The following CTNNA2 variants were observed in gnomAD, a reference collection of about 807,000 sequenced individuals.
The protein encoded by CTNNA2 is catenin alpha 2, also known as catenin alpha-2.
In CTNNA2, 42 loss-of-function variants were observed where a neutral mutation model predicts 101.0. The observed-to-expected ratio is 0.42, with a 90% CI of 0.32 to 0.54. The LOEUF (loss-of-function observed/expected upper bound fraction) is 0.54. Ranked by LOEUF, CTNNA2 falls within the 20% of genes least tolerant of loss-of-function variation. The pLI, the probability that CTNNA2 is intolerant of heterozygous loss-of-function variation, is 0.14. For synonymous variants in CTNNA2, 450 were observed against 456.4 expected, an observed-to-expected ratio of 0.99 and a Z score of 0.18; for missense variants, 871 against 1,223.1, an observed-to-expected ratio of 0.71 and a Z score of 4.29.
chr2:79,459,518 AT>A (rs1457037988), intron 4 of CTNNA2, among the ~76,000 whole-genome samples: 2 of 152,166 alleles, frequency 1.3e-5, no homozygotes, highest in Non-Finnish European at 1.5e-5. Context: ...AGAATATATA[AT>A]TTTAAATTCC....
At chr2:80,040,976 C>T (rs537864796) in intron 7 of CTNNA2, among the ~76,000 whole-genome samples, 58 of 152,048 alleles carry the variant, frequency 3.8e-4, no homozygotes, top group African/African-American at 1.3e-3. Flanking sequence ...GAATTACAGT[C>T]AATCCACACA....
chr2:80,642,529 A>T (rs1673606001), intron 18 of CTNNA2, among the ~76,000 whole-genome samples: 1 of 151,002 alleles, frequency 6.6e-6, no homozygotes, highest in African/African-American at 2.4e-5. Flanking sequence ...AGATGGAAAA[A>T]TGTAGGGATA....
In CTNNA2 at chr2:80,577,076, T is replaced by A. The variant is rs564148656; in HGVS notation, c.1893+2762T>A. Among the ~76,000 whole-genome samples, 174 of 152,278 alleles carry A rather than the reference T, an allele frequency of 1.1e-3. 1 individual carries two copies. Among genetic ancestry groups the A allele is most frequent in the African/African-American group, 4.1e-3 (170 of 41,570 alleles). ...TTTATTAATTAGAAATAGTTCAGTA[T>A]GATTAAAAATTGGTAATTCTGTCTT... On this transcript the variant is annotated intron_variant, in intron 13 of 18. Transcript: ENST00000402739.
At chr2:80,182,921 G>GAAT (rs1705874135) in intron 7 of CTNNA2, among the ~76,000 whole-genome samples, 1 of 152,180 alleles carries the variant, frequency 6.6e-6, no homozygotes, top group Non-Finnish European at 1.5e-5. Flanking sequence ...TGACATCTGA[G>GAAT]CACCACTGCA....
chr2:79,718,429 G>C (rs952927024), intron 2 of CTNNA2, among the ~76,000 whole-genome samples: 3 of 152,070 alleles, frequency 2.0e-5, no homozygotes, highest in Non-Finnish European at 2.9e-5. Context: ...TATTTCCTCT[G>C]ACTCAGGTAA....
At chr2:79,826,655 C>A (rs906006057) in intron 3 of CTNNA2, among the ~76,000 whole-genome samples, 35 of 152,190 alleles carry the variant, frequency 2.3e-4, no homozygotes, top group African/African-American at 7.7e-4. Context: ...TGCATCTGGA[C>A]ACATGCTTCT....
chr2:79,690,370 C>T (rs950822825), intron 2 of CTNNA2, among the ~76,000 whole-genome samples: 3 of 151,954 alleles, frequency 2.0e-5, no homozygotes, highest in Admixed American at 2.0e-4. Flanking sequence ...GAAATAAAGA[C>T]ACTTTCATAT....
chr2:80,581,941 C>A, intron 14 of CTNNA2, 122 bp downstream of exon 14: 1 of 636,090 alleles, frequency 1.6e-6, no homozygotes, highest in South Asian at 1.8e-5. Context: ...GAAATCTGTG[C>A]TCTCATCTGA....
At chr2:79,462,889 G>A (rs917558943) in intron 4 of CTNNA2, among the ~76,000 whole-genome samples, 9 of 152,122 alleles carry the variant, frequency 5.9e-5, no homozygotes. Context: ...TCACTGTATT[G>A]GAACATTTTG....
Position 79,658,596 on chromosome 2 carries a change from C to T in CTNNA2, c.102+6938C>T, listed in dbSNP as rs917174554. ...GAAACCTGTGAAGTTATTGAGAGTT[C>T]AACCTTTACCTTTTCAGGAAGCTAA... On this transcript the variant is annotated intron_variant, in intron 2 of 18. Coordinates refer to ENST00000402739, the MANE Select transcript of CTNNA2 (RefSeq NM_001282597.3). Among the ~76,000 whole-genome samples, 7 of 152,070 alleles carry T rather than the reference C, an allele frequency of 4.6e-5. No individual in the cohort carries two copies. The East Asian group carries it at 1.2e-3, about 25-fold the overall frequency.
chr2:79,670,443 T>C (rs892974484), intron 2 of CTNNA2, among the ~76,000 whole-genome samples: 1 of 151,954 alleles, frequency 6.6e-6, no homozygotes, highest in Non-Finnish European at 1.5e-5. Context: ...CAGGGGGAGC[T>C]CCCGTCCGGA....
At chr2:79,376,132 G>A (rs1677970855) in intron 4 of CTNNA2, among the ~76,000 whole-genome samples, 1 of 152,314 alleles carries the variant, frequency 6.6e-6, no homozygotes, top group East Asian at 1.9e-4. Context: ...GATGGTAGAT[G>A]AGGTTAGAAG....
At chr2:79,229,941 A>C (rs1674468455) in intron 2 of CTNNA2, among the ~76,000 whole-genome samples, 1 of 152,162 alleles carries the variant, frequency 6.6e-6, no homozygotes, top group South Asian at 2.1e-4. Flanking sequence ...CTTGAGAGGG[A>C]TAATTTAGGG....
chr2:80,073,544 C>T (rs985060284), intron 7 of CTNNA2, among the ~76,000 whole-genome samples: 1 of 151,992 alleles, frequency 6.6e-6, no homozygotes, highest in African/African-American at 2.4e-5. Flanking sequence ...AAGCAAACTC[C>T]AATTCACTGA....
At chr2:79,519,842 T>C (rs2103866563) in intron 1 of CTNNA2, among the ~76,000 whole-genome samples, 1 of 152,342 alleles carries the variant, frequency 6.6e-6, no homozygotes, top group Non-Finnish European at 1.5e-5. Flanking sequence ...ACATTGAAGG[T>C]ACAAGTCAGT....
chr2:80,094,079 C>T (rs1699980899), intron 7 of CTNNA2, among the ~76,000 whole-genome samples: 1 of 152,090 alleles, frequency 6.6e-6, no homozygotes, highest in Non-Finnish European at 1.5e-5. Context: ...AAGTCCTTGC[C>T]CATGCCTATG....
At chr2:79,723,048 T>C (rs566067807) in intron 2 of CTNNA2, among the ~76,000 whole-genome samples, 1 of 152,246 alleles carries the variant, frequency 6.6e-6, no homozygotes, top group Admixed American at 6.5e-5. Flanking sequence ...TAAGAGAAAA[T>C]ATTGCAAGAT....
chr2:80,249,784 A>T (rs462979), intron 7 of CTNNA2, among the ~76,000 whole-genome samples: 78,489 of 152,030 alleles, frequency 0.52, 21,645 homozygotes, highest in Non-Finnish European at 0.63. Context: ...AGCCTGCTTT[A>T]TTTCACTAAG....
chr2:80,648,050 C>G lies in CTNNA2; in HGVS notation c.*178C>G. On this transcript the variant is annotated 3_prime_UTR_variant, in exon 19 of 19. Transcript: ENST00000402739. ...ATCAATACTACTGATCCATCTGTAG[C>G]CTGGGAAGGAGACAGGACATTCCTG... 3 of 561,556 alleles carry G rather than the reference C, an allele frequency of 5.3e-6. No individual in the cohort carries two copies. Among genetic ancestry groups the G allele is most frequent in the Non-Finnish European group, 6.1e-6 (2 of 328,478 alleles). 34.8% of individuals were successfully genotyped at this position (561,556 alleles called of 1,614,324 possible). A position where few individuals can be genotyped will look rare whatever the true frequency, so the allele number is the denominator to read the frequency against.
Sources: gnomAD v4.1 joint callset for allele counts (sites outside exome capture counted in the v4.1 genomes callset) on GRCh38, gnomAD v4.1.1 for gene constraint, MANE v1.5 for transcripts, NCBI Gene and HGNC (gene_info 2026-07-23, HGNC 2026-07-21) for gene names.